Variants in MBD6 observed in about 807,000 individuals in gnomAD.
MBD6 encodes the protein methyl-CpG-binding domain protein 6.
A neutral mutation model predicts 66.8 loss-of-function variants in MBD6; 22 were observed. That is an observed-to-expected ratio of 0.33 (90% confidence interval 0.24 to 0.47). The LOEUF is 0.47. MBD6 is among the 20% of genes least tolerant of loss of function. The probability of loss-of-function intolerance (pLI) is 1.00; values close to 1 mark genes in which losing one functional copy is unlikely to be tolerated. For missense variants in MBD6, 1,322 were observed against 1,286.9 expected (o/e 1.03, Z -0.42); for synonymous variants, 540 against 534.6 (o/e 1.01, Z -0.14).
At position 57,524,958 on chromosome 12, in the gene MBD6, C is replaced by T. The variant is rs755103228; in HGVS notation, c.222C>T (p.Phe74=). The change falls in exon 5 of 13, where the codon TTC becomes TTT. Residue 74 remains phenylalanine (F), a synonymous_variant. Transcript: ENST00000355673. ...CCTTGCTTTCCACCTTACAGGTTTTCAACTTTGACCCTTTGGCCCCGGTGA... is the reference window on the plus strand; with the variant it reads ...CCTTGCTTTCCACCTTACAGGTTTTTAACTTTGACCCTTTGGCCCCGGTGA... The part of the protein sequence containing the change: ...LECPLNVPKV[F]NFDPLAPVTP... 2.2e-5 allele frequency: 36 copies of T among 1,600,026 alleles called. No homozygotes were observed. The highest frequency in any genetic ancestry group is 8.5e-7 in the Non-Finnish European group (1 of 1,171,216).
Position 57,527,989 on chromosome 12 carries a change from C to T in MBD6, c.2378C>T (p.Pro793Leu), listed in dbSNP as rs1351732879. Residue 793 changes from proline (P) to leucine (L), a missense_variant, in exon 9 of 13, where the codon CCC (proline) becomes CTC (leucine). By Grantham distance (98) the Pro-to-Leu change is moderately conservative (BLOSUM62 -3). Transcript: ENST00000355673. ...APPPLSEASS[P>L]LACLLQSLQI... ...CCACCCCTCTCAGAGGCTTCTAGTC[C>T]CCTAGCCTGCCTGCTACAGAGTCTC... 1.3e-6 allele frequency: 2 copies of T among 1,552,194 alleles called. No individual in the cohort carries two copies. Among genetic ancestry groups the T allele is most frequent in the Non-Finnish European group, 1.7e-6 (2 of 1,154,252 alleles).
rs1352401132 is a variant in MBD6, at chr12:57,526,805, C to T, written c.1660C>T (p.Pro554Ser). 1.2e-6 allele frequency: 2 copies of T among 1,611,372 alleles called. No homozygotes were observed. The highest frequency in any genetic ancestry group is 8.5e-7 in the Non-Finnish European group (1 of 1,178,266). Residue 554 changes from proline to serine, a missense_variant, in exon 7 of 13, where the codon CCA becomes TCA. Transcript: ENST00000355673. ...GAGTCTGGGGCAGCCTCCACCTTCT[C>T]CATTGCTCAACCACAGTTTATTTGG... ...PLSLGQPPPSPLLNHSLFGVL... is the reference protein window; with the variant it reads ...PLSLGQPPPSSLLNHSLFGVL...
At chr12:57,524,851 A>G (rs1148555) in intron 4 of MBD6, 29 bp downstream of exon 4, 230,658 of 1,613,394 alleles carry the variant, frequency 0.14, 17,486 homozygotes, top group East Asian at 0.22. Flanking sequence ...GCCTGAGAGT[A>G]CAGAGATAAG....
chr12:57,527,457 C>T, intron 7 of MBD6, 50 bp from the exon 8 acceptor site: 1 of 1,592,630 alleles, frequency 6.3e-7, no homozygotes, highest in Middle Eastern at 1.7e-4. Context: ...CACTATAAAT[C>T]TGTTGAGTAT....
At chr12:57,524,246 C>T (rs1878666615) in intron 2 of MBD6, 34 bp from the exon 3 acceptor site, 6 of 1,327,918 alleles carry the variant, frequency 4.5e-6, no homozygotes, top group African/African-American at 1.5e-5. Context: ...CAGTTTAATC[C>T]TCCTAGTGCC....
In MBD6 at chr12:57,526,068, G is replaced by T. The variant is rs756453796; in HGVS notation, c.1100G>T (p.Arg367Leu). ...CTTCGTCCCTCTCAGCGTCGTCCCC[G>T]CAGACCCCCTACTGTATTTCGATTG... ...SSLRPSQRRP[R>L]RPPTVFRLLE... Residue 367 changes from arginine (R) to leucine (L), a missense_variant, in exon 6 of 13, where the codon CGC becomes CTC. Coordinates refer to ENST00000355673, the MANE Select transcript of MBD6 (RefSeq NM_052897.4). 4 of 1,613,466 alleles carry T rather than the reference G, an allele frequency of 2.5e-6. No individual in the cohort carries two copies. In the African/African-American group the frequency reaches 5.4e-5, roughly 22 times the overall value.
intron 11 of MBD6, 46 bp from the exon 12 acceptor site, chr12:57,528,900 C>T (rs774168941): frequency 6.2e-7 from 1 of 1,613,734 alleles, no homozygotes; most frequent in Non-Finnish European, 8.5e-7. Context: ...TGAAATTCAC[C>T]TGGTGCTTGG....
downstream of MBD6, chr12:57,530,656 G>C: frequency 2.6e-6 from 4 of 1,559,054 alleles, no homozygotes; most frequent in Non-Finnish European, 3.5e-6. Flanking sequence ...ACAGGGGTAG[G>C]GATAACCCCT....
chr12:57,529,416 T>TCACCCCCCC lies in MBD6; in HGVS notation c.*184_*192dup, dbSNP rs1879374775. 1.5e-5 allele frequency: 7 copies of TCACCCCCCC among 473,450 alleles called. No individual in the cohort carries two copies. Among genetic ancestry groups the TCACCCCCCC allele is most frequent in the African/African-American group, 4.7e-5 (2 of 42,396 alleles). 29.3% of individuals were successfully genotyped at this position (473,450 alleles called of 1,614,324 possible). A position where few individuals can be genotyped will look rare whatever the true frequency, so the allele number is the denominator to read the frequency against. ...GAGCCATTGCAGGGGGCAGGGAAGT[T>TCACCCCCCC]CACCCCCCCCCACCACCCCCCCGCC... is the stretch of plus-strand genomic sequence containing the variant. On this transcript the variant is annotated 3_prime_UTR_variant, in exon 13 of 13. Coordinates refer to ENST00000355673, the MANE Select transcript of MBD6 (RefSeq NM_052897.4).
At position 57,526,150 on chromosome 12, in the gene MBD6, T is replaced by TG; in HGVS notation, c.1183dup (p.Val395GlyfsTer33). On this transcript the variant is annotated frameshift_variant, in exon 6 of 13. Transcript: ENST00000355673. LOFTEE classifies it high-confidence loss of function. ...GGAGCCGTCCTCGGGCCCCTGCTCC[T>TG]GTCCCCCAACCCTTTTCTCTCCCGG... 6.2e-7 allele frequency: 1 copy of TG among 1,614,146 alleles called. No homozygotes were observed. Among genetic ancestry groups the TG allele is most frequent in the Non-Finnish European group, 8.5e-7 (1 of 1,180,014 alleles).
At chr12:57,527,761 A>G in intron 8 of MBD6, 87 bp from the exon 9 acceptor site, 2 of 1,558,186 alleles carry the variant, frequency 1.3e-6, no homozygotes, top group Non-Finnish European at 1.7e-6. Context: ...GTCTTTGGCC[A>G]CTGGATAAAG....
In MBD6 at chr12:57,529,428, A is replaced by ACC. The variant is rs1565672224; in HGVS notation, c.*195_*196dup. The ACC allele has an allele frequency of 2.6e-3, 1,050 of 403,282 alleles. No homozygotes were observed. Among genetic ancestry groups the ACC allele is most frequent in the South Asian group, 3.0e-3 (112 of 36,818 alleles). The allele number at this position is 403,282 out of a possible 1,614,324, so 25.0% of individuals were successfully genotyped here. A position where few individuals can be genotyped will look rare whatever the true frequency, so the allele number is the denominator to read the frequency against. ...GGGGCAGGGAAGTTCACCCCCCCCC[A>ACC]CCACCCCCCCGCCCCCCCGAAGCCA... On this transcript the variant is annotated 3_prime_UTR_variant, in exon 13 of 13. Coordinates refer to ENST00000355673, the MANE Select transcript of MBD6 (RefSeq NM_052897.4).
Position 57,526,148 on chromosome 12 carries a change from C to T in MBD6, c.1180C>T (p.Pro394Ser), listed in dbSNP as rs145353575. The T allele has an allele frequency of 9.7e-5, 157 of 1,614,188 alleles. No individual in the cohort carries two copies. The African/African-American group carries it at 1.5e-3, about 16-fold the overall frequency. ...ACGGAGCCGTCCTCGGGCCCCTGCT[C>T]CTGTCCCCCAACCCTTTTCTCTCCC... ...PRRSRPRAPA[P>S]VPQPFSLPEP... The change falls in exon 6 of 13, where the codon CCT becomes TCT. Residue 394 changes from proline to serine, a missense_variant. By Grantham distance (74) the Pro-to-Ser change is moderately conservative. Coordinates refer to ENST00000355673, the MANE Select transcript of MBD6 (RefSeq NM_052897.4).
rs576842116 is a variant in MBD6, at chr12:57,530,111, A to C, written c.*877A>C. On this transcript the variant is annotated 3_prime_UTR_variant, in exon 13 of 13. Coordinates refer to ENST00000355673, the MANE Select transcript of MBD6 (RefSeq NM_052897.4). ...CCTCCACTGCTTTTCTATGGGAGAC[A>C]CTCTTAATTTAACAGATGAGAATAT... 1 of 152,378 alleles carries C rather than the reference A, an allele frequency of 6.6e-6. No homozygotes were observed. Among genetic ancestry groups the C allele is most frequent in the Non-Finnish European group, 1.5e-5 (1 of 68,020 alleles). The allele number at this position is 152,378 out of a possible 1,614,324, so 9.4% of individuals were successfully genotyped here. A position where few individuals can be genotyped will look rare whatever the true frequency, so the allele number is the denominator to read the frequency against.
intron 1 of MBD6, chr12:57,523,461 C>T (rs1041134286): frequency 6.6e-6 from 1 of 152,128 alleles, no homozygotes; most frequent in African/African-American, 2.4e-5. Context: ...ATCCCTTTGC[C>T]GTAGGCTTGA....
chr12:57,528,140 C>A lies in MBD6; in HGVS notation c.2407-7C>A. 1.3e-6 allele frequency: 2 copies of A among 1,575,696 alleles called. No individual in the cohort carries two copies. The highest frequency in any genetic ancestry group is 1.2e-5 in the South Asian group (1 of 85,780). ...GATTGACTGAGAACTTATTTTTTTG[C>A]CAGCAGATCCCTCCAGAGCAGCCAG... On this transcript the variant is annotated splice_polypyrimidine_tract_variant and splice_region_variant and intron_variant, in intron 9 of 12. Coordinates refer to ENST00000355673, the MANE Select transcript of MBD6 (RefSeq NM_052897.4).
At chr12:57,523,394 A>G (rs980991286) in intron 1 of MBD6, 3 of 152,102 alleles carry the variant, frequency 2.0e-5, no homozygotes, top group Admixed American at 1.3e-4. Flanking sequence ...TTCCCCTTCT[A>G]TCGGAGGACA....
At position 57,526,372 on chromosome 12, in the gene MBD6, C is replaced by T. The variant is rs1878955976; in HGVS notation, c.1404C>T (p.Ser468=). 1 of 1,595,006 alleles carries T rather than the reference C, an allele frequency of 6.3e-7. No homozygotes were observed. The highest frequency in any genetic ancestry group is 8.5e-7 in the Non-Finnish European group (1 of 1,170,112). The change falls in exon 6 of 13, where the codon AGC becomes AGT. Residue 468 remains serine, a synonymous_variant. Transcript: ENST00000355673. ...QPSLPGTTSG[S]LSSVPGAPAP... ...CCCTGCCTGGGACCACCAGTGGCAGCCTCAGCAGTGTGCCAGGTATGTGAG... is the reference window on the plus strand; with the variant it reads ...CCCTGCCTGGGACCACCAGTGGCAGTCTCAGCAGTGTGCCAGGTATGTGAG...
In MBD6 at chr12:57,528,268, C is replaced by T. The variant is rs1361380840; in HGVS notation, c.2528C>T (p.Pro843Leu). 1 of 1,605,340 alleles carries T rather than the reference C, an allele frequency of 6.2e-7. No homozygotes were observed. ...ALAPPHGSPD[P>L]PVPELLTGRG... ...GCCCCACCCCATGGTTCTCCCGACC[C>T]CCCAGTCCCTGAGCTGCTCACTGGG... Residue 843 changes from proline (P) to leucine (L), a missense_variant, in exon 10 of 13, where the codon CCC (proline) becomes CTC (leucine). Physicochemically the swap from Pro to Leu is moderately conservative, Grantham distance 98 (BLOSUM62 -3). Coordinates refer to ENST00000355673, the MANE Select transcript of MBD6 (RefSeq NM_052897.4).
Sources: gnomAD v4.1 joint callset for allele counts on GRCh38, gnomAD v4.1.1 for gene constraint, MANE v1.5 for transcripts, NCBI Gene and HGNC (gene_info 2026-07-23, HGNC 2026-07-21) for gene names.